TAS2R1: variants seen among roughly 807,000 people sequenced by gnomAD.
The protein encoded by TAS2R1 is taste receptor type 2 member 1.
For missense variants in TAS2R1, 370 were observed against 353.4 expected (o/e 1.05, Z -0.38); for synonymous variants, 141 against 134.2 (o/e 1.05, Z -0.35).
chr5:9,630,708 C>T (rs1244675161), upstream of TAS2R1, among the ~76,000 whole-genome samples: 2 of 152,170 alleles, frequency 1.3e-5, no homozygotes, highest in Non-Finnish European at 2.9e-5. Context: ...GAAATGAAGA[C>T]AAGCACTCAG....
intron 1 of TAS2R1, among the ~76,000 whole-genome samples, chr5:9,698,438 G>T (rs1741408496): frequency 6.6e-6 from 1 of 152,298 alleles, no homozygotes; most frequent in Non-Finnish European, 1.5e-5. Context: ...TGATGTCAAA[G>T]TTGGCATCCC....
chr5:9,734,278 A>C, the TAS2R1 span, among the ~76,000 whole-genome samples: 2 of 152,162 alleles, frequency 1.3e-5, no homozygotes, highest in Non-Finnish European at 2.9e-5. Flanking sequence ...GTTGCTAATA[A>C]ATTACCCAAC....
the TAS2R1 span, among the ~76,000 whole-genome samples, chr5:9,822,863 C>G: frequency 6.6e-6 from 1 of 151,596 alleles, no homozygotes; most frequent in South Asian, 2.1e-4. Flanking sequence ...AAAAATTGTG[C>G]TACAATAAAA....
At chr5:9,691,730 C>A (rs1741253202) in intron 1 of TAS2R1, among the ~76,000 whole-genome samples, 2 of 152,160 alleles carry the variant, frequency 1.3e-5, no homozygotes, top group South Asian at 4.1e-4. Context: ...CCCTTACATG[C>A]ATGTTACTTG....
the TAS2R1 span, among the ~76,000 whole-genome samples, chr5:9,849,823 T>C: frequency 0.058 from 8,894 of 152,254 alleles, 623 homozygotes; most frequent in East Asian, 0.23. Context: ...GCTGATGCTG[T>C]GGTCTCCCAG....
At chr5:9,847,379 T>A in the TAS2R1 span, among the ~76,000 whole-genome samples, 1 of 152,226 alleles carries the variant, frequency 6.6e-6, no homozygotes, top group Non-Finnish European at 1.5e-5. Flanking sequence ...CCTCAATACC[T>A]AACTTCTAGA....
the TAS2R1 span, among the ~76,000 whole-genome samples, chr5:9,839,563 C>T: frequency 0.059 from 9,023 of 152,204 alleles, 625 homozygotes; most frequent in East Asian, 0.23. Context: ...TGTGTTTCTA[C>T]GCTGAAACAG....
upstream of TAS2R1, among the ~76,000 whole-genome samples, chr5:9,635,072 G>T (rs996645174): frequency 2.0e-5 from 3 of 152,044 alleles, no homozygotes; most frequent in Non-Finnish European, 2.9e-5. Flanking sequence ...ATATAATGTT[G>T]GCTGTGGGTT....
chr5:9,693,592 A>T (rs1274513009), intron 1 of TAS2R1, among the ~76,000 whole-genome samples: 7 of 150,866 alleles, frequency 4.6e-5, no homozygotes, highest in African/African-American at 1.7e-4. Context: ...GGTCTCTTGC[A>T]GACATTTGCA....
At chr5:9,674,066 T>C (rs930696593) in intron 1 of TAS2R1, among the ~76,000 whole-genome samples, 3 of 152,208 alleles carry the variant, frequency 2.0e-5, no homozygotes, top group African/African-American at 7.2e-5. Flanking sequence ...TATGGTCCTC[T>C]CAAAGTGTCT....
the TAS2R1 span, among the ~76,000 whole-genome samples, chr5:9,877,849 G>C: frequency 6.6e-6 from 1 of 151,884 alleles, no homozygotes; most frequent in Non-Finnish European, 1.5e-5. Flanking sequence ...TTTTTTGAAG[G>C]CATCTCCTTT....
chr5:9,720,357 T>A, the TAS2R1 span, among the ~76,000 whole-genome samples: 1 of 152,228 alleles, frequency 6.6e-6, no homozygotes, highest in East Asian at 1.9e-4. Context: ...AGTGAGTTTC[T>A]CACCCTCTGT....
At chr5:9,768,829 A>G in the TAS2R1 span, among the ~76,000 whole-genome samples, 1 of 152,214 alleles carries the variant, frequency 6.6e-6, no homozygotes, top group South Asian at 2.1e-4. Flanking sequence ...GGTGCATAAG[A>G]TATTTTGATA....
intron 1 of TAS2R1, among the ~76,000 whole-genome samples, chr5:9,663,719 C>T (rs1740578688): frequency 6.6e-6 from 1 of 152,166 alleles, no homozygotes; most frequent in Non-Finnish European, 1.5e-5. Context: ...ATCTCTAGAA[C>T]TGGTGAATGC....
the TAS2R1 span, among the ~76,000 whole-genome samples, chr5:9,817,818 G>T: frequency 2.0e-5 from 3 of 151,784 alleles, no homozygotes; most frequent in Admixed American, 6.6e-5. Flanking sequence ...TTACAATCAC[G>T]GTAGAAGGTG....
At chr5:9,761,943 G>C in the TAS2R1 span, among the ~76,000 whole-genome samples, 1 of 152,154 alleles carries the variant, frequency 6.6e-6, no homozygotes, top group Non-Finnish European at 1.5e-5. Context: ...CTCCTCAGGA[G>C]AGATGCAGCA....
chr5:9,827,946 AC>A, the TAS2R1 span, among the ~76,000 whole-genome samples: 1 of 152,132 alleles, frequency 6.6e-6, no homozygotes. Flanking sequence ...TTTCAGCAAT[AC>A]CTTCTACGAT....
At chr5:9,801,295 T>G in the TAS2R1 span, among the ~76,000 whole-genome samples, 3 of 152,246 alleles carry the variant, frequency 2.0e-5, no homozygotes, top group African/African-American at 4.8e-5. Context: ...GGCACCTTGA[T>G]GCAAGACCAC....
At chr5:9,810,719 C>T in the TAS2R1 span, among the ~76,000 whole-genome samples, 7 of 152,224 alleles carry the variant, frequency 4.6e-5, no homozygotes, top group South Asian at 8.3e-4. Context: ...GATCCATAAT[C>T]CAGGGAGCAT....
Sources: allele counts gnomAD v4.1 joint callset (sites outside exome capture counted in the v4.1 genomes callset), GRCh38; gene constraint gnomAD v4.1.1; transcripts MANE v1.5; gene names NCBI Gene and HGNC (gene_info 2026-07-23, HGNC 2026-07-21).